NTRK3: variants seen among roughly 807,000 people sequenced by gnomAD.
NTRK3 encodes the protein NT-3 growth factor receptor.
NTRK3 carries 24 observed loss-of-function variants against 91.7 expected under a neutral mutation model. The observed-to-expected ratio is 0.26, with a 90% CI of 0.19 to 0.37. The LOEUF (loss-of-function observed/expected upper bound fraction) is 0.37. NTRK3 is among the 10% of genes least tolerant of loss of function. NTRK3 has a pLI of 1.00. For missense variants in NTRK3, 880 were observed against 1,068.9 expected (o/e 0.82, Z 2.46); for synonymous variants, 483 against 404.0 (o/e 1.20, Z -2.34).
intron 14 of NTRK3, among the ~76,000 whole-genome samples, chr15:87,970,718 G>A (rs910813235): frequency 2.7e-4 from 41 of 152,046 alleles, no homozygotes; most frequent in African/African-American, 8.7e-4. Flanking sequence ...ATGGATCCTT[G>A]GCATATCATG....
intron 14 of NTRK3, among the ~76,000 whole-genome samples, chr15:87,966,864 G>A (rs984217391): frequency 1.3e-5 from 2 of 152,198 alleles, no homozygotes; most frequent in African/African-American, 4.8e-5. Flanking sequence ...ATACTGGACT[G>A]TATTGTCTCT....
chr15:88,078,735 G>GT (rs2047778626), intron 13 of NTRK3, among the ~76,000 whole-genome samples: 1 of 152,220 alleles, frequency 6.6e-6, no homozygotes, highest in Admixed American at 6.5e-5. Context: ...TGGGACCTAA[G>GT]CTCAGCAGGG....
intron 3 of NTRK3, among the ~76,000 whole-genome samples, chr15:88,215,230 G>T (rs2049649058): frequency 6.6e-6 from 1 of 152,202 alleles, no homozygotes; most frequent in South Asian, 2.1e-4. Context: ...TTTGTTCACG[G>T]CTTCCTTGAC....
intron 5 of NTRK3, among the ~76,000 whole-genome samples, chr15:88,182,353 T>G (rs1015511204): frequency 1.3e-5 from 2 of 152,120 alleles, no homozygotes; most frequent in Non-Finnish European, 2.9e-5. Context: ...ATCTCTTCCC[T>G]TTCCCCACCT....
At chr15:88,085,662 G>A (rs975435807) in intron 13 of NTRK3, among the ~76,000 whole-genome samples, 3 of 152,166 alleles carry the variant, frequency 2.0e-5, no homozygotes, top group Admixed American at 1.3e-4. Flanking sequence ...TGCAGTAATC[G>A]CTAACTAAGA....
At chr15:88,220,129 T>A (rs1040947710) in intron 3 of NTRK3, among the ~76,000 whole-genome samples, 1 of 151,920 alleles carries the variant, frequency 6.6e-6, no homozygotes, top group African/African-American at 2.4e-5. Flanking sequence ...TAAAATAAAA[T>A]AAATGAAATA....
At chr15:87,913,511 T>C (rs980716320) in intron 17 of NTRK3, among the ~76,000 whole-genome samples, 2 of 152,168 alleles carry the variant, frequency 1.3e-5, no homozygotes, top group African/African-American at 4.8e-5. Context: ...ACTTTTTCAC[T>C]GATCCTAGAT....
intron 14 of NTRK3, among the ~76,000 whole-genome samples, chr15:87,971,185 G>A (rs1274104385): frequency 6.6e-6 from 1 of 152,292 alleles, no homozygotes; most frequent in Non-Finnish European, 1.5e-5. Flanking sequence ...TATTGGTGGT[G>A]CCTCCCCTGC....
At chr15:87,930,382 G>A (rs2068690126) in intron 16 of NTRK3, among the ~76,000 whole-genome samples, 1 of 152,134 alleles carries the variant, frequency 6.6e-6, no homozygotes, top group Non-Finnish European at 1.5e-5. Context: ...GAGCCCTGGT[G>A]TACAGCAAGG....
intron 16 of NTRK3, among the ~76,000 whole-genome samples, chr15:87,929,787 T>G (rs2068634388): frequency 6.6e-6 from 1 of 152,150 alleles, no homozygotes; most frequent in Admixed American, 6.5e-5. Context: ...GCCCTTACTA[T>G]ATGCTCTGAT....
At chr15:88,044,342 G>C (rs2079951172) in intron 13 of NTRK3, among the ~76,000 whole-genome samples, 1 of 140,186 alleles carries the variant, frequency 7.1e-6, no homozygotes, top group African/African-American at 2.6e-5. Context: ...CTCACTGCAA[G>C]CTCTGCCTCC....
chr15:88,148,448 C>T lies in NTRK3; in HGVS notation c.396-1045G>A, dbSNP rs188879025. On this transcript the variant is annotated intron_variant, in intron 5 of 18. Transcript: ENST00000394480. ...AACTGATACAGGAGTGCGGAGGGCTCAGAGAGAGGTGCCTTCTGAGAAGGT... is the reference window on the plus strand; with the variant it reads ...AACTGATACAGGAGTGCGGAGGGCTTAGAGAGAGGTGCCTTCTGAGAAGGT... Among the ~76,000 whole-genome samples, 406 of 152,146 alleles carry T rather than the reference C, an allele frequency of 2.7e-3. 9 individuals carry two copies. The highest frequency in any genetic ancestry group is 1.0e-3 in the Non-Finnish European group (70 of 68,014).
chr15:87,921,035 C>G (rs752996907), intron 17 of NTRK3, among the ~76,000 whole-genome samples: 1 of 152,132 alleles, frequency 6.6e-6, no homozygotes, highest in African/African-American at 2.4e-5. Flanking sequence ...ACGATGCCAA[C>G]AGGAGGAAAA....
At chr15:88,105,936 A>C (rs1462831109) in intron 13 of NTRK3, among the ~76,000 whole-genome samples, 3 of 152,238 alleles carry the variant, frequency 2.0e-5, no homozygotes, top group Non-Finnish European at 4.4e-5. Context: ...CAAATCAAAA[A>C]GAAAGTCTCA....
chr15:87,922,410 T>C (rs1207006749), intron 17 of NTRK3, among the ~76,000 whole-genome samples: 1 of 152,196 alleles, frequency 6.6e-6, no homozygotes, highest in African/African-American at 2.4e-5. Context: ...ATTAAACTAA[T>C]GAGGGGGCTG....
intron 13 of NTRK3, among the ~76,000 whole-genome samples, chr15:88,115,331 G>A (rs1281779031): frequency 6.6e-6 from 1 of 152,222 alleles, no homozygotes; most frequent in East Asian, 1.9e-4. Context: ...CACACATAAT[G>A]GCTCATAACA....
At chr15:88,108,147 A>T (rs188382790) in intron 13 of NTRK3, among the ~76,000 whole-genome samples, 15 of 152,322 alleles carry the variant, frequency 9.8e-5, no homozygotes, top group Admixed American at 7.8e-4. Context: ...CATTCTCTTA[A>T]GAAAACACTG....
At chr15:88,021,068 G>A (rs914881323) in intron 14 of NTRK3, among the ~76,000 whole-genome samples, 11 of 152,302 alleles carry the variant, frequency 7.2e-5, no homozygotes, top group East Asian at 3.9e-4. Context: ...CAGCATCTCC[G>A]GATCTGGGGT....
intron 17 of NTRK3, among the ~76,000 whole-genome samples, chr15:87,891,536 G>A (rs2065858763): frequency 6.6e-6 from 1 of 151,994 alleles, no homozygotes; most frequent in African/African-American, 2.4e-5. Flanking sequence ...ATTTCTGTTT[G>A]GTTTTAGTTT....
Sources: allele counts gnomAD v4.1 joint callset (sites outside exome capture counted in the v4.1 genomes callset), GRCh38; gene constraint gnomAD v4.1.1; transcripts MANE v1.5; gene names NCBI Gene and HGNC (gene_info 2026-07-23, HGNC 2026-07-21).